Variants in TTLL13 observed in about 807,000 individuals in gnomAD.
TTLL13 encodes tubulin polyglutamylase TTLL13.
At chr15:90,250,077 C>T in the TTLL13 span, among the ~76,000 whole-genome samples, 2 of 151,934 alleles carry the variant, frequency 1.3e-5, no homozygotes, top group African/African-American at 4.8e-5. Context: ...CCTCCCTCAG[C>T]CTCCCGAGTA....
the TTLL13 span, among the ~76,000 whole-genome samples, chr15:90,261,683 G>A: frequency 2.6e-5 from 4 of 152,270 alleles, no homozygotes; most frequent in South Asian, 8.3e-4. Flanking sequence ...GGGAGGCTGA[G>A]GCAGGAGAAC....
the TTLL13 span, chr15:90,263,763 G>A: frequency 2.9e-6 from 2 of 696,118 alleles, no homozygotes; most frequent in African/African-American, 1.7e-5. Flanking sequence ...AGGACAGGCT[G>A]GGCAGTCAAG....
At chr15:90,257,317 C>A in the TTLL13 span, 4 of 1,588,246 alleles carry the variant, frequency 2.5e-6, no homozygotes, top group South Asian at 3.5e-5. Flanking sequence ...TTTTCCACTG[C>A]CAAAAGTGCT....
At chr15:90,265,032 C>A in the TTLL13 span, 1 of 1,468,136 alleles carries the variant, frequency 6.8e-7, no homozygotes, top group Non-Finnish European at 9.0e-7. Context: ...GGCATTAAAT[C>A]TTTGCTAAAT....
chr15:90,263,923 CAT>C, the TTLL13 span: 3 of 1,458,594 alleles, frequency 2.1e-6, no homozygotes, highest in East Asian at 2.5e-5. Context: ...TGCAATCCCA[CAT>C]GTTCCCCGGT....
At chr15:90,257,890 T>C in the TTLL13 span, 19 of 936,268 alleles carry the variant, frequency 2.0e-5, no homozygotes, top group Non-Finnish European at 2.8e-5. Flanking sequence ...GCCCCAAACC[T>C]CACCCTGATA....
the TTLL13 span, among the ~76,000 whole-genome samples, chr15:90,253,675 G>A: frequency 7.2e-5 from 11 of 152,248 alleles, no homozygotes; most frequent in Admixed American, 7.2e-4. Flanking sequence ...AGAATACTGG[G>A]AGGCAGCTTC....
the TTLL13 span, among the ~76,000 whole-genome samples, chr15:90,254,585 G>A: frequency 1.3e-5 from 2 of 150,836 alleles, no homozygotes; most frequent in Non-Finnish European, 2.9e-5. Flanking sequence ...TCTCGTGCCT[G>A]AAATCCCTTT....
At chr15:90,250,735 T>C in the TTLL13 span, 6 of 1,614,192 alleles carry the variant, frequency 3.7e-6, 1 homozygote, top group East Asian at 8.9e-5. Flanking sequence ...CCTCTAACTC[T>C]TCACAGCAGG....
chr15:90,256,051 G>A, the TTLL13 span: 7 of 1,562,242 alleles, frequency 4.5e-6, no homozygotes, highest in South Asian at 8.3e-5. Flanking sequence ...TCCAGGAAGA[G>A]CATGGACTAG....
chr15:90,264,284 G>A, the TTLL13 span, among the ~76,000 whole-genome samples: 2 of 152,020 alleles, frequency 1.3e-5, no homozygotes, highest in African/African-American at 4.8e-5. Context: ...CTCCACTCAC[G>A]GGCTCAAGTA....
At chr15:90,251,847 G>A in the TTLL13 span, among the ~76,000 whole-genome samples, 2 of 147,038 alleles carry the variant, frequency 1.4e-5, no homozygotes, top group East Asian at 2.0e-4. Flanking sequence ...AAAAGTCCAA[G>A]AGCCACTACT....
At chr15:90,256,221 G>T in the TTLL13 span, 3 of 1,614,196 alleles carry the variant, frequency 1.9e-6, no homozygotes, top group East Asian at 6.7e-5. Context: ...TGTCAGGGAC[G>T]TGGCATCTTC....
chr15:90,252,479 C>A, the TTLL13 span, among the ~76,000 whole-genome samples: 2 of 152,228 alleles, frequency 1.3e-5, no homozygotes, highest in Non-Finnish European at 2.9e-5. Context: ...CCATGCCAGA[C>A]CCTTCCCAGA....
At chr15:90,254,479 T>C in the TTLL13 span, among the ~76,000 whole-genome samples, 34,206 of 112,930 alleles carry the variant, frequency 0.3, 5,196 homozygotes, top group East Asian at 0.7. Context: ...GGTGACAGAG[T>C]GAGACTCCAT....
the TTLL13 span, chr15:90,257,769 A>T: frequency 6.3e-7 from 1 of 1,579,914 alleles, no homozygotes. Context: ...CCTTAGCCCC[A>T]CAGTCCCAGT....
At chr15:90,260,924 T>C in the TTLL13 span, among the ~76,000 whole-genome samples, 1,146 of 151,186 alleles carry the variant, frequency 7.6e-3, 14 homozygotes, top group Middle Eastern at 0.035. Flanking sequence ...CACAAGCTAG[T>C]GAGTGGCAGA....
chr15:90,257,097 C>T, the TTLL13 span: 1 of 1,592,618 alleles, frequency 6.3e-7, no homozygotes, highest in African/African-American at 1.3e-5. Context: ...GTAGGCACTT[C>T]AAAAGTGTTA....
At chr15:90,251,701 T>C in the TTLL13 span, 1 of 1,312,076 alleles carries the variant, frequency 7.6e-7, no homozygotes, top group Non-Finnish European at 1.1e-6. Flanking sequence ...CCCTGGGGCC[T>C]GGCGGGCTTG....
Sources: allele counts gnomAD v4.1 joint callset (sites outside exome capture counted in the v4.1 genomes callset), GRCh38; gene constraint gnomAD v4.1.1; transcripts MANE v1.5; gene names NCBI Gene and HGNC (gene_info 2026-07-23, HGNC 2026-07-21).